Variants in CNBD1 observed in about 807,000 individuals in gnomAD.
CNBD1 encodes cyclic nucleotide binding domain containing 1.
Under a neutral mutation model 54.4 loss-of-function variants are expected in CNBD1, and 71 were observed. The observed-to-expected ratio is 1.30, with a 90% CI of 1.08 to 1.59. CNBD1 has a LOEUF of 1.59. Among genes scored for constraint, CNBD1 ranks in the 40% most tolerant of loss-of-function variants. CNBD1 has a pLI of 0.00. For synonymous variants in CNBD1, 182 were observed against 170.7 expected, an observed-to-expected ratio of 1.07 and a Z score of -0.51; for missense variants, 659 against 518.0, an observed-to-expected ratio of 1.27 and a Z score of -2.64.
chr8:87,092,969 C>T lies in CNBD1; in HGVS notation c.432-113024C>T, dbSNP rs530470966. 1.4e-4 allele frequency among the ~76,000 whole-genome samples: 21 copies of T among 152,300 alleles called. No homozygotes were observed. In the South Asian group the frequency reaches 3.1e-3, roughly 23 times the overall value. On this transcript the variant is annotated intron_variant, in intron 4 of 10. Coordinates refer to ENST00000518476, the MANE Select transcript of CNBD1 (RefSeq NM_173538.3). ...AACCTGGGCGTTACCACTATTTCTT[C>T]TCCTTTCATATCTACTCCTTCCAAT...
At chr8:86,911,806 A>G (rs1327760349) in intron 3 of CNBD1, among the ~76,000 whole-genome samples, 2 of 152,300 alleles carry the variant, frequency 1.3e-5, no homozygotes, top group Middle Eastern at 3.4e-3. Flanking sequence ...AGTAGCATTT[A>G]TATATGCCAA....
At chr8:87,372,849 C>A (rs7824912) in intron 10 of CNBD1, among the ~76,000 whole-genome samples, 25,078 of 151,626 alleles carry the variant, frequency 0.17, 2,931 homozygotes, top group African/African-American at 0.34. Context: ...ATGGTATAAG[C>A]CATGGTATTT....
At chr8:86,947,648 G>C (rs1023618985) in intron 4 of CNBD1, among the ~76,000 whole-genome samples, 2 of 151,946 alleles carry the variant, frequency 1.3e-5, no homozygotes, top group Non-Finnish European at 2.9e-5. Context: ...GTACATAGTA[G>C]ATGTATATAT....
At chr8:87,202,893 G>A (rs1813894063) in intron 4 of CNBD1, among the ~76,000 whole-genome samples, 1 of 152,174 alleles carries the variant, frequency 6.6e-6, no homozygotes, top group Admixed American at 6.6e-5. Context: ...TGGCTGTGTA[G>A]CCAGTCTGGT....
At chr8:87,020,998 G>A (rs1249712707) in intron 4 of CNBD1, among the ~76,000 whole-genome samples, 2 of 152,094 alleles carry the variant, frequency 1.3e-5, no homozygotes, top group Non-Finnish European at 2.9e-5. Context: ...TCAACCAATT[G>A]TCAACCAGAA....
intron 5 of CNBD1, among the ~76,000 whole-genome samples, chr8:87,214,746 T>C (rs900398481): frequency 6.6e-6 from 1 of 152,130 alleles, no homozygotes; most frequent in Non-Finnish European, 1.5e-5. Context: ...ACATCACACA[T>C]GGCAGCAGGC....
At chr8:86,948,188 T>C (rs947583916) in intron 4 of CNBD1, among the ~76,000 whole-genome samples, 1 of 152,190 alleles carries the variant, frequency 6.6e-6, no homozygotes, top group Admixed American at 6.5e-5. Context: ...TGCTTCCAAA[T>C]CTTGGCTACT....
chr8:86,938,517 A>G (rs2130422796), intron 3 of CNBD1, among the ~76,000 whole-genome samples: 1 of 152,352 alleles, frequency 6.6e-6, no homozygotes, highest in South Asian at 2.1e-4. Flanking sequence ...CCTCACAATC[A>G]TGTTCAAAGG....
Position 87,129,094 on chromosome 8 carries a change from AT to A in CNBD1, c.432-76895del, listed in dbSNP as rs1491196405. Among the ~76,000 whole-genome samples the A allele has an allele frequency of 2.2e-3, 295 of 136,354 alleles. 15 individuals are homozygous for A. The highest frequency in any genetic ancestry group is 9.1e-3 in the African/African-American group (285 of 31,230). 89.5% of individuals were successfully genotyped at this position (136,354 alleles called of 152,430 possible). A position where few individuals can be genotyped will look rare whatever the true frequency, so the allele number is the denominator to read the frequency against. On this transcript the variant is annotated intron_variant, in intron 4 of 10. Transcript: ENST00000518476. ...CAAAAAAAAAAAAAAAAAAAAAAGA[AT>A]TTTGCTATCTTCAGAAGGATATGAA...
intron 8 of CNBD1, among the ~76,000 whole-genome samples, chr8:87,304,132 C>G (rs1161184697): frequency 2.0e-5 from 3 of 151,990 alleles, no homozygotes; most frequent in Admixed American, 6.6e-5. Context: ...CATCCCATTA[C>G]TGGGTATATA....
intron 4 of CNBD1, among the ~76,000 whole-genome samples, chr8:87,097,907 C>A (rs1034419463): frequency 6.6e-6 from 1 of 152,204 alleles, no homozygotes; most frequent in Admixed American, 6.5e-5. Flanking sequence ...ACATACAATC[C>A]TTGTAATGTT....
intron 4 of CNBD1, among the ~76,000 whole-genome samples, chr8:87,200,424 C>G (rs1813833884): frequency 1.3e-5 from 2 of 151,658 alleles, no homozygotes; most frequent in African/African-American, 4.8e-5. Flanking sequence ...ACTTGAAGTG[C>G]TAAAAGAAAT....
chr8:87,145,858 A>G (rs180815728), intron 4 of CNBD1, among the ~76,000 whole-genome samples: 225 of 152,222 alleles, frequency 1.5e-3, no homozygotes, highest in Non-Finnish European at 2.7e-3. Context: ...GTCCCAATTT[A>G]TACTTAACTG....
intron 1 of CNBD1, among the ~76,000 whole-genome samples, chr8:86,869,313 C>T (rs2446121): frequency 0.056 from 8,455 of 151,678 alleles, 321 homozygotes; most frequent in Middle Eastern, 0.089. Context: ...AGCAGAGGCT[C>T]CTCGTAGCGT....
chr8:87,390,945 G>C (rs113462878), intron 2 of CNBD1, among the ~76,000 whole-genome samples: 2,844 of 152,024 alleles, frequency 0.019, 89 homozygotes, highest in African/African-American at 0.062. Flanking sequence ...TTTGTAGGGA[G>C]ATGGATGAAG....
chr8:86,971,687 T>C (rs1190373241), intron 4 of CNBD1, among the ~76,000 whole-genome samples: 1 of 152,106 alleles, frequency 6.6e-6, no homozygotes, highest in Non-Finnish European at 1.5e-5. Context: ...AATTCCTAGT[T>C]TTTATATCGT....
At position 87,334,695 on chromosome 8, in the gene CNBD1, C is replaced by G. The variant is rs190771082; in HGVS notation, c.1043-16990C>G. 7.6e-4 allele frequency among the ~76,000 whole-genome samples: 110 copies of G among 144,622 alleles called. No individual in the cohort carries two copies. In the East Asian group the frequency reaches 0.021, roughly 27 times the overall value. 94.9% of individuals were successfully genotyped at this position (144,622 alleles called of 152,430 possible). ...AGTTGTGTGGTTTTGAGTGAGTTTT[C>G]TTTTTTCTTTTCTTTTCTTTTTTCT... On this transcript the variant is annotated intron_variant, in intron 8 of 10. Transcript: ENST00000518476.
intron 4 of CNBD1, among the ~76,000 whole-genome samples, chr8:87,036,090 G>C (rs939083136): frequency 6.6e-6 from 1 of 152,150 alleles, no homozygotes; most frequent in African/African-American, 2.4e-5. Flanking sequence ...GGGAGATAGA[G>C]ATTAGAGGAT....
intron 5 of CNBD1, among the ~76,000 whole-genome samples, chr8:87,236,613 A>G (rs1162542094): frequency 2.0e-5 from 3 of 152,176 alleles, no homozygotes; most frequent in South Asian, 4.1e-4. Flanking sequence ...TTTTCTCACA[A>G]TGTCTCAAAT....
Sources: allele counts gnomAD v4.1 joint callset (sites outside exome capture counted in the v4.1 genomes callset), GRCh38; gene constraint gnomAD v4.1.1; transcripts MANE v1.5; gene names NCBI Gene and HGNC (gene_info 2026-07-23, HGNC 2026-07-21).